Variants in LRRC4C observed in about 807,000 individuals in gnomAD.
LRRC4C encodes leucine rich repeat containing 4C.
A neutral mutation model predicts 33.6 loss-of-function variants in LRRC4C; 5 were observed. That is an observed-to-expected ratio of 0.15 (90% confidence interval 0.08 to 0.31). The LOEUF is 0.31. Among genes scored for constraint, LRRC4C ranks in the 10% least tolerant of loss-of-function variants. The probability of loss-of-function intolerance (pLI) is 1.00; values close to 1 mark genes in which losing one functional copy is unlikely to be tolerated. For synonymous variants in LRRC4C, 329 were observed against 302.0 expected, an observed-to-expected ratio of 1.09 and a Z score of -0.93; for missense variants, 560 against 796.7, an observed-to-expected ratio of 0.70 and a Z score of 3.58.
chr11:40,313,285 T>C (rs1024951672), intron 4 of LRRC4C, among the ~76,000 whole-genome samples: 6 of 152,100 alleles, frequency 3.9e-5, no homozygotes, highest in Admixed American at 3.9e-4. Context: ...ATTATCACTG[T>C]TATAGATTAA....
At chr11:40,227,800 C>G (rs1023480982) in intron 5 of LRRC4C, among the ~76,000 whole-genome samples, 1 of 151,908 alleles carries the variant, frequency 6.6e-6, no homozygotes, top group East Asian at 1.9e-4. Flanking sequence ...AATGAAGGAA[C>G]CTGATTTTCT....
At chr11:40,565,801 C>A (rs1302556790) in intron 3 of LRRC4C, among the ~76,000 whole-genome samples, 6 of 152,070 alleles carry the variant, frequency 3.9e-5, no homozygotes, top group Non-Finnish European at 5.9e-5. Flanking sequence ...TCATAAAATT[C>A]TGGCTTGTAT....
At chr11:41,111,590 A>T (rs1388456221) in intron 1 of LRRC4C, among the ~76,000 whole-genome samples, 3 of 152,060 alleles carry the variant, frequency 2.0e-5, no homozygotes, top group Non-Finnish European at 4.4e-5. Flanking sequence ...CAGTAGTTAA[A>T]ATGGAGGCAA....
intron 5 of LRRC4C, among the ~76,000 whole-genome samples, chr11:40,151,249 A>G (rs1050721625): frequency 2.0e-5 from 3 of 152,094 alleles, no homozygotes; most frequent in African/African-American, 7.2e-5. Flanking sequence ...AGGCATCCAA[A>G]CCACAACCAG....
chr11:40,759,751 A>G (rs949480297), intron 2 of LRRC4C, among the ~76,000 whole-genome samples: 2 of 152,064 alleles, frequency 1.3e-5, no homozygotes, highest in African/African-American at 4.8e-5. Flanking sequence ...TCAAAATGAT[A>G]TCATGTTGAT....
chr11:40,864,572 A>G (rs1488215231), intron 2 of LRRC4C, among the ~76,000 whole-genome samples: 2 of 152,178 alleles, frequency 1.3e-5, no homozygotes, highest in Non-Finnish European at 2.9e-5. Flanking sequence ...ATTTAGACCA[A>G]CCTTGTATAG....
At chr11:40,853,800 T>C (rs1953630365) in intron 2 of LRRC4C, among the ~76,000 whole-genome samples, 1 of 152,148 alleles carries the variant, frequency 6.6e-6, no homozygotes, top group Non-Finnish European at 1.5e-5. Flanking sequence ...ACTGAGTCAG[T>C]TGCCGTGATA....
At chr11:41,446,074 G>A (rs1955817242) in intron 1 of LRRC4C, among the ~76,000 whole-genome samples, 1 of 152,146 alleles carries the variant, frequency 6.6e-6, no homozygotes, top group South Asian at 2.1e-4. Context: ...ACAAGTGAAA[G>A]TGAATGAAGG....
chr11:40,848,776 T>A (rs1021508126), intron 2 of LRRC4C, among the ~76,000 whole-genome samples: 1 of 152,118 alleles, frequency 6.6e-6, no homozygotes, highest in African/African-American at 2.4e-5. Context: ...TGCGTGGGAG[T>A]CTATGTCTCC....
chr11:41,313,017 T>C (rs186453575), intron 1 of LRRC4C, among the ~76,000 whole-genome samples: 81 of 152,362 alleles, frequency 5.3e-4, no homozygotes, highest in African/African-American at 1.9e-3. Flanking sequence ...TAATTAACTT[T>C]ACCTCTCTTT....
At chr11:40,632,651 C>A (rs1477772780) in intron 3 of LRRC4C, among the ~76,000 whole-genome samples, 1 of 152,202 alleles carries the variant, frequency 6.6e-6, no homozygotes, top group Non-Finnish European at 1.5e-5. Flanking sequence ...GGAACGCTCA[C>A]AAAACCTCAC....
At chr11:41,053,265 T>A (rs1283667306) in intron 1 of LRRC4C, among the ~76,000 whole-genome samples, 1 of 152,222 alleles carries the variant, frequency 6.6e-6, no homozygotes, top group Non-Finnish European at 1.5e-5. Flanking sequence ...CCCCTCTTGC[T>A]AGGAGACACT....
chr11:40,733,530 A>T (rs1489477898), intron 2 of LRRC4C, among the ~76,000 whole-genome samples: 2 of 152,182 alleles, frequency 1.3e-5, no homozygotes, highest in Non-Finnish European at 2.9e-5. Context: ...CTACCCAAAG[A>T]GATGTTTGGG....
At chr11:41,158,915 C>A (rs1944346791) in intron 1 of LRRC4C, among the ~76,000 whole-genome samples, 1 of 152,080 alleles carries the variant, frequency 6.6e-6, no homozygotes, top group East Asian at 1.9e-4. Context: ...GATCTTATCC[C>A]ATAAGACAGG....
chr11:40,786,250 T>G (rs758635270), intron 2 of LRRC4C, among the ~76,000 whole-genome samples: 16 of 152,178 alleles, frequency 1.1e-4, no homozygotes, highest in Non-Finnish European at 2.2e-4. Context: ...AGAATTGTCT[T>G]CCCCACCTTT....
At chr11:41,292,891 G>C (rs1468161526) in intron 1 of LRRC4C, among the ~76,000 whole-genome samples, 1 of 152,118 alleles carries the variant, frequency 6.6e-6, no homozygotes, top group Non-Finnish European at 1.5e-5. Flanking sequence ...CATGCTGTGA[G>C]TTGGCAATTT....
At chr11:41,280,153 G>A (rs1356862107) in intron 1 of LRRC4C, among the ~76,000 whole-genome samples, 1 of 152,168 alleles carries the variant, frequency 6.6e-6, no homozygotes, top group African/African-American at 2.4e-5. Context: ...TGTAAAGTAT[G>A]AACATAATGC....
chr11:40,543,882 A>G (rs1438726916), intron 3 of LRRC4C, among the ~76,000 whole-genome samples: 2 of 152,072 alleles, frequency 1.3e-5, no homozygotes, highest in East Asian at 3.9e-4. Flanking sequence ...TATAGATGTG[A>G]GAAGATAAAT....
chr11:41,037,281 G>GT lies in LRRC4C; in HGVS notation c.-495-103559_-495-103558insA, dbSNP rs201126957. Among the ~76,000 whole-genome samples the GT allele has an allele frequency of 4.5e-4, 41 of 90,682 alleles. No homozygotes were observed. In the East Asian group the frequency reaches 8.4e-3, roughly 19 times the overall value. 59.5% of individuals were successfully genotyped at this position (90,682 alleles called of 152,430 possible). Reference sequence around the variant, plus strand: ...TCTTCCCAATTACCTATCTTTGATGGGTTTTTTTTTTTCTGATAATGCCTC... The same window carrying GT: ...TCTTCCCAATTACCTATCTTTGATGGTGTTTTTTTTTTTCTGATAATGCCTC... On this transcript the variant is annotated intron_variant, in intron 1 of 6. Coordinates refer to ENST00000528697, the MANE Select transcript of LRRC4C (RefSeq NM_001258419.2).
Sources: allele counts gnomAD v4.1 joint callset (sites outside exome capture counted in the v4.1 genomes callset), GRCh38; gene constraint gnomAD v4.1.1; transcripts MANE v1.5; gene names NCBI Gene and HGNC (gene_info 2026-07-23, HGNC 2026-07-21).